The following LRMDA variants were observed in gnomAD, a reference collection of about 807,000 sequenced individuals.
LRMDA encodes leucine-rich melanocyte differentiation-associated protein.
LRMDA carries 18 observed loss-of-function variants against 29.8 expected under a neutral mutation model. That is an observed-to-expected ratio of 0.60 (90% confidence interval 0.42 to 0.90). The LOEUF (loss-of-function observed/expected upper bound fraction) is 0.90, where lower values mean the gene tolerates loss of function less well. Ranked by LOEUF, LRMDA falls within the 40% of genes least tolerant of loss-of-function variation. The pLI is 0.00. For missense variants in LRMDA, 273 were observed against 273.9 expected, an observed-to-expected ratio of 1.00 and a Z score of 0.02; for synonymous variants, 125 against 109.4, an observed-to-expected ratio of 1.14 and a Z score of -0.89.
intron 2 of LRMDA, among the ~76,000 whole-genome samples, chr10:75,999,722 C>T (rs184756240): frequency 1.3e-5 from 2 of 152,298 alleles, no homozygotes; most frequent in East Asian, 1.9e-4. Flanking sequence ...TAGAAATGTA[C>T]ATCAACTACC....
intron 5 of LRMDA, among the ~76,000 whole-genome samples, chr10:76,072,938 C>T (rs1324029711): frequency 6.6e-6 from 1 of 152,202 alleles, no homozygotes; most frequent in African/African-American, 2.4e-5. Context: ...TTTCCAGATG[C>T]ATAGGAACAG....
intron 2 of LRMDA, among the ~76,000 whole-genome samples, chr10:75,866,377 G>T (rs1312799114): frequency 6.6e-6 from 1 of 152,242 alleles, no homozygotes; most frequent in African/African-American, 2.4e-5. Flanking sequence ...AGCCTGTAAG[G>T]GGACTGGCTG....
intron 5 of LRMDA, among the ~76,000 whole-genome samples, chr10:76,066,767 G>A (rs1049786863): frequency 2.2e-4 from 34 of 152,196 alleles, no homozygotes; most frequent in Non-Finnish European, 3.2e-4. Context: ...CAGGCTGTGG[G>A]GGGATCTCTG....
intron 6 of LRMDA, among the ~76,000 whole-genome samples, chr10:76,361,795 T>C (rs1176805173): frequency 6.6e-6 from 1 of 152,198 alleles, no homozygotes; most frequent in African/African-American, 2.4e-5. Context: ...ATTATATGTT[T>C]AGTTAAATTG....
At chr10:76,223,667 G>A (rs752028253) in intron 5 of LRMDA, among the ~76,000 whole-genome samples, 10 of 141,650 alleles carry the variant, frequency 7.1e-5, no homozygotes, top group African/African-American at 1.8e-4. Context: ...TGAGAAGTAG[G>A]CAGTGCAGCT....
intron 5 of LRMDA, among the ~76,000 whole-genome samples, chr10:76,157,388 G>T (rs1391622960): frequency 6.6e-6 from 1 of 152,158 alleles, no homozygotes; most frequent in African/African-American, 2.4e-5. Context: ...GAGTCAGGAA[G>T]ATCACTTGAG....
Position 75,746,729 on chromosome 10 carries a change from G to T in LRMDA, c.132-289279G>T, listed in dbSNP as rs117882171. ...GCGTGGGTAGAGAGTGCTATTTTTG[G>T]GGGGGGAGCTTATATTTTGACATGG... On this transcript the variant is annotated intron_variant, in intron 2 of 6. Coordinates refer to ENST00000611255, the MANE Select transcript of LRMDA (RefSeq NM_001305581.2). 4.7e-4 allele frequency among the ~76,000 whole-genome samples: 72 copies of T among 152,082 alleles called. 1 individual carries two copies. In the Middle Eastern group the frequency reaches 0.014, roughly 29 times the overall value.
chr10:76,068,692 T>G (rs1202737113), intron 5 of LRMDA, among the ~76,000 whole-genome samples: 2 of 152,160 alleles, frequency 1.3e-5, no homozygotes, highest in African/African-American at 2.4e-5. Context: ...GGGATTGGTG[T>G]TGGAGACCCC....
intron 2 of LRMDA, among the ~76,000 whole-genome samples, 157 bp from the exon 3 acceptor site, chr10:76,035,851 A>G (rs1410364967): frequency 1.4e-5 from 2 of 141,336 alleles, no homozygotes; most frequent in East Asian, 4.7e-4. Flanking sequence ...CCCCGCCCCG[A>G]CTCCTGCTAC....
At chr10:76,299,121 A>G (rs1035529339) in intron 5 of LRMDA, among the ~76,000 whole-genome samples, 14 of 152,026 alleles carry the variant, frequency 9.2e-5, no homozygotes, top group Admixed American at 1.3e-4. Flanking sequence ...TTCCTCCTGC[A>G]TATACGTCAG....
At chr10:75,995,976 G>C (rs1401067258) in intron 2 of LRMDA, among the ~76,000 whole-genome samples, 1 of 152,162 alleles carries the variant, frequency 6.6e-6, no homozygotes, top group Non-Finnish European at 1.5e-5. Context: ...CTGACTGACA[G>C]ACTCAATGAA....
chr10:76,355,980 G>C (rs1841234751), intron 6 of LRMDA, among the ~76,000 whole-genome samples: 2 of 152,182 alleles, frequency 1.3e-5, no homozygotes, highest in East Asian at 3.9e-4. Flanking sequence ...CCCATCATTA[G>C]AGGTGAGGCA....
intron 5 of LRMDA, among the ~76,000 whole-genome samples, chr10:76,271,761 T>G (rs1403633196): frequency 6.6e-6 from 1 of 152,214 alleles, no homozygotes; most frequent in Non-Finnish European, 1.5e-5. Flanking sequence ...CCAAGACTTA[T>G]TATCTTTCTC....
chr10:75,990,205 T>C (rs1253207209), intron 2 of LRMDA, among the ~76,000 whole-genome samples: 5 of 152,240 alleles, frequency 3.3e-5, no homozygotes, highest in Admixed American at 6.5e-5. Context: ...TTATTTATTA[T>C]CCAGAATCTG....
At chr10:76,355,383 C>A (rs1178937741) in intron 6 of LRMDA, among the ~76,000 whole-genome samples, 1 of 152,050 alleles carries the variant, frequency 6.6e-6, no homozygotes, top group African/African-American at 2.4e-5. Context: ...ATCAGGTTAC[C>A]AAGAAATTAT....
intron 2 of LRMDA, among the ~76,000 whole-genome samples, chr10:75,991,593 G>A (rs1847370557): frequency 6.6e-6 from 1 of 152,238 alleles, no homozygotes; most frequent in Non-Finnish European, 1.5e-5. Context: ...GTGGCTTCTA[G>A]AAGTGCTGAA....
chr10:76,169,969 G>A lies in LRMDA; in HGVS notation c.516+111186G>A, dbSNP rs180986819. On this transcript the variant is annotated intron_variant, in intron 5 of 6. Coordinates refer to ENST00000611255, the MANE Select transcript of LRMDA (RefSeq NM_001305581.2). ...GGTATGGCCTTACCCTTGGATGATG[G>A]CCATTTCTCCAGTGAAGTTTCCTGT... Among the ~76,000 whole-genome samples the A allele has an allele frequency of 6.6e-5, 10 of 152,188 alleles. No individual in the cohort carries two copies. In the East Asian group the frequency reaches 1.7e-3, roughly 27 times the overall value.
At chr10:75,693,821 A>T (rs191963967) in intron 2 of LRMDA, among the ~76,000 whole-genome samples, 63 of 152,144 alleles carry the variant, frequency 4.1e-4, no homozygotes, top group Middle Eastern at 3.4e-3. Context: ...GGATTTGAAT[A>T]AAAAAAAGCA....
intron 6 of LRMDA, among the ~76,000 whole-genome samples, chr10:76,446,782 T>G (rs1842358146): frequency 6.6e-6 from 1 of 152,192 alleles, no homozygotes; most frequent in Non-Finnish European, 1.5e-5. Context: ...CCCACTTACT[T>G]ATGCTTTGGC....
Sources: gnomAD v4.1 joint callset for allele counts (sites outside exome capture counted in the v4.1 genomes callset) on GRCh38, gnomAD v4.1.1 for gene constraint, MANE v1.5 for transcripts, NCBI Gene and HGNC (gene_info 2026-07-23, HGNC 2026-07-21) for gene names.